Variants in GPHN observed in about 807,000 individuals in gnomAD.
GPHN encodes the protein gephyrin.
Under a neutral mutation model 95.5 loss-of-function variants are expected in GPHN, and 17 were observed. That is an observed-to-expected ratio of 0.18 (90% CI 0.12 to 0.27). The LOEUF is 0.27. GPHN is among the 10% of genes least tolerant of loss of function. The pLI, the probability that GPHN is intolerant of heterozygous loss-of-function variation, is 1.00. For missense variants in GPHN, 660 were observed against 978.1 expected, an observed-to-expected ratio of 0.67 and a Z score of 4.34; for synonymous variants, 320 against 322.5, an observed-to-expected ratio of 0.99 and a Z score of 0.08.
intron 12 of GPHN, among the ~76,000 whole-genome samples, chr14:67,095,319 T>A (rs556256593): frequency 1.3e-5 from 2 of 152,260 alleles, no homozygotes; most frequent in Admixed American, 1.3e-4. Context: ...ATTTAGAATC[T>A]CACTGTTGGT....
chr14:67,136,319 A>C (rs1165683289), intron 17 of GPHN, among the ~76,000 whole-genome samples: 1 of 152,252 alleles, frequency 6.6e-6, no homozygotes, highest in Non-Finnish European at 1.5e-5. Context: ...TTCCTGAATT[A>C]GCAAAGCACA....
At position 67,070,715 on chromosome 14, in the gene GPHN, A is replaced by AAAAAAAAAAAATATATATATATAT; in HGVS notation, c.1144+11930_1144+11931insAAAAAAAAAATATATATATATATA. Among the ~76,000 whole-genome samples, 41 of 80,662 alleles carry AAAAAAAAAAAATATATATATATAT rather than the reference A, an allele frequency of 5.1e-4. 1 individual carries two copies. Among genetic ancestry groups the AAAAAAAAAAAATATATATATATAT allele is most frequent in the African/African-American group, 2.6e-3 (21 of 7,960 alleles). 52.9% of individuals were successfully genotyped at this position (80,662 alleles called of 152,430 possible). A position where few individuals can be genotyped will look rare whatever the true frequency, so the allele number is the denominator to read the frequency against. On this transcript the variant is annotated intron_variant, in intron 11 of 22. Coordinates refer to ENST00000478722, the MANE Select transcript of GPHN (RefSeq NM_020806.5). ...ATCTCAAAAAAAAAAAAAAAAAAAA[A>AAAAAAAAAAAATATATATATATAT]ATATATATATATATCCAATCAGCAT...
chr14:66,895,404 T>C (rs943842719), intron 5 of GPHN, among the ~76,000 whole-genome samples: 18 of 152,164 alleles, frequency 1.2e-4, no homozygotes, highest in African/African-American at 4.3e-4. Flanking sequence ...ATATACCTAA[T>C]GTAAATGACG....
intron 18 of GPHN, among the ~76,000 whole-genome samples, chr14:67,155,534 CA>C (rs1010861760): frequency 6.6e-6 from 1 of 152,006 alleles, no homozygotes; most frequent in African/African-American, 2.4e-5. Flanking sequence ...AAAGGGATGA[CA>C]AAGTGGGAAA....
the GPHN span, among the ~76,000 whole-genome samples, chr14:67,366,758 A>C: frequency 6.6e-6 from 1 of 152,010 alleles, no homozygotes; most frequent in Non-Finnish European, 1.5e-5. Context: ...AAGTATGAAA[A>C]ATAACTACCT....
the GPHN span, among the ~76,000 whole-genome samples, chr14:67,642,793 CTTTTTTT>C: frequency 1.4e-3 from 105 of 75,556 alleles, no homozygotes; most frequent in African/African-American, 5.0e-3. Context: ...ACTACATTTT[CTTTTTTT>C]TTTTTTTTTT....
chr14:66,838,688 A>T (rs577216223), intron 4 of GPHN, among the ~76,000 whole-genome samples: 2 of 152,300 alleles, frequency 1.3e-5, no homozygotes, highest in Non-Finnish European at 2.9e-5. Flanking sequence ...AGTCTAAGGA[A>T]TGAAGATTTC....
At chr14:67,610,653 CA>C in the GPHN span, among the ~76,000 whole-genome samples, 1 of 152,156 alleles carries the variant, frequency 6.6e-6, no homozygotes, top group Non-Finnish European at 1.5e-5. Context: ...TTTAGCATTT[CA>C]GTAGATCAAG....
At chr14:67,117,894 G>T (rs577549602) in intron 16 of GPHN, among the ~76,000 whole-genome samples, 1 of 152,246 alleles carries the variant, frequency 6.6e-6, no homozygotes, top group Non-Finnish European at 1.5e-5. Context: ...AGACCTCACT[G>T]AAATACAGTA....
rs1246184895 is a variant in GPHN, at chr14:66,831,766, T to A, written c.294+7200T>A. 2.0e-5 allele frequency among the ~76,000 whole-genome samples: 3 copies of A among 152,312 alleles called. No individual in the cohort carries two copies. In the East Asian group the frequency reaches 5.8e-4, roughly 29 times the overall value. Reference sequence around the variant, plus strand: ...TTGTTGATTCTAATAATAAAAATAGTCAATAATAACAACTAACACTTACAT... The same window carrying A: ...TTGTTGATTCTAATAATAAAAATAGACAATAATAACAACTAACACTTACAT... On this transcript the variant is annotated intron_variant, in intron 4 of 22. Coordinates refer to ENST00000478722, the MANE Select transcript of GPHN (RefSeq NM_020806.5).
At chr14:67,223,710 T>G in the GPHN span, 2 of 977,386 alleles carry the variant, frequency 2.0e-6, no homozygotes, top group Non-Finnish European at 1.2e-6. Flanking sequence ...CTTATTTCTT[T>G]CCACCTTTTT....
chr14:66,929,158 C>T (rs1197843358), intron 8 of GPHN, among the ~76,000 whole-genome samples: 5 of 151,154 alleles, frequency 3.3e-5, no homozygotes, highest in South Asian at 2.1e-4. Context: ...AAGGTTCAAG[C>T]GATTCTCCTG....
chr14:67,292,722 A>G, the GPHN span: 1 of 1,610,794 alleles, frequency 6.2e-7, no homozygotes, highest in East Asian at 2.2e-5. Context: ...CTCAAGAGGT[A>G]TGTATTCTAA....
chr14:66,833,127 A>G (rs1388080916), intron 4 of GPHN, among the ~76,000 whole-genome samples: 1 of 152,188 alleles, frequency 6.6e-6, no homozygotes, highest in Non-Finnish European at 1.5e-5. Context: ...AAAGACGTAC[A>G]CAAGTCTGGG....
chr14:67,150,453 CA>C (rs1164806975), intron 18 of GPHN, among the ~76,000 whole-genome samples: 984 of 98,088 alleles, frequency 0.01, 4 homozygotes, highest in South Asian at 0.018. Flanking sequence ...AAAAAAAAAA[CA>C]AAAAAAAAAA....
chr14:67,269,453 A>T, the GPHN span, among the ~76,000 whole-genome samples: 1 of 152,114 alleles, frequency 6.6e-6, no homozygotes, highest in Non-Finnish European at 1.5e-5. Context: ...ACTGTTTCCA[A>T]TGTGTTATTG....
the GPHN span, among the ~76,000 whole-genome samples, chr14:67,244,466 GCTT>G: frequency 6.6e-6 from 1 of 152,140 alleles, no homozygotes; most frequent in African/African-American, 2.4e-5. Flanking sequence ...TGATATAATT[GCTT>G]CTTTTCTTTA....
chr14:66,837,102 C>T (rs2061857680), intron 4 of GPHN, among the ~76,000 whole-genome samples: 2 of 150,950 alleles, frequency 1.3e-5, no homozygotes, highest in South Asian at 4.2e-4. Context: ...GGGTATATAC[C>T]CAAAGGATTA....
intron 8 of GPHN, among the ~76,000 whole-genome samples, chr14:66,955,693 A>G (rs898288592): frequency 6.6e-6 from 1 of 151,980 alleles, no homozygotes; most frequent in African/African-American, 2.4e-5. Context: ...TCCTAATGCT[A>G]TCCCTCCCCC....
Sources: gnomAD v4.1 joint callset for allele counts (sites outside exome capture counted in the v4.1 genomes callset) on GRCh38, gnomAD v4.1.1 for gene constraint, MANE v1.5 for transcripts, NCBI Gene and HGNC (gene_info 2026-07-23, HGNC 2026-07-21) for gene names.